The following PTPRM variants were observed in gnomAD, a reference collection of about 807,000 sequenced individuals.
PTPRM encodes protein tyrosine phosphatase receptor type M.
PTPRM carries 47 observed loss-of-function variants against 186.7 expected under a neutral mutation model. That is an observed-to-expected ratio of 0.25 (90% CI 0.20 to 0.32). The LOEUF is 0.32. Among genes scored for constraint, PTPRM ranks in the 10% least tolerant of loss-of-function variants. PTPRM has a pLI of 1.00. For missense variants in PTPRM, 1,494 were observed against 1,865.0 expected (o/e 0.80, Z 3.66); for synonymous variants, 668 against 674.9 (o/e 0.99, Z 0.16).
At chr18:8,240,573 A>G (rs1047619130) in intron 14 of PTPRM, among the ~76,000 whole-genome samples, 14 of 136,968 alleles carry the variant, frequency 1.0e-4, no homozygotes, top group African/African-American at 3.1e-4. Context: ...AAAGAAAGAA[A>G]TTGAAAGTTT....
At chr18:7,647,964 G>A (rs12604168) in intron 1 of PTPRM, among the ~76,000 whole-genome samples, 39 of 152,242 alleles carry the variant, frequency 2.6e-4, no homozygotes, top group South Asian at 1.5e-3. Context: ...GCTTTATTGC[G>A]TTTCATAGAT....
chr18:7,767,084 A>G (rs2042048778), intron 1 of PTPRM, among the ~76,000 whole-genome samples: 1 of 152,218 alleles, frequency 6.6e-6, no homozygotes, highest in South Asian at 2.1e-4. Context: ...GTAGCTGTTG[A>G]TACCAGAGAA....
Position 8,379,224 on chromosome 18 carries a change from C to T in PTPRM, c.3670C>T (p.Pro1224Ser). ...RVEDCSIALL[P>S]RNHEKNRCMD... is the part of the protein sequence containing the mutation. ...AGAGGACTGCAGCATCGCACTGTTGCCCCGGAACCATGAGAAAAACCGGTG... is the reference window on the plus strand; with the variant it reads ...AGAGGACTGCAGCATCGCACTGTTGTCCCGGAACCATGAGAAAAACCGGTG... The change falls in exon 28 of 33, where the codon CCC (proline) becomes TCC (serine). Residue 1224 changes from proline (P) to serine (S), a missense_variant. Physicochemically the swap from Pro to Ser is moderately conservative, Grantham distance 74. Around this residue, in one of 3 missense-constraint regions of PTPRM, gnomAD observed 1,107 missense variants for 1,350.2 expected, o/e 0.82. Transcript: ENST00000580170. 6.2e-7 allele frequency: 1 copy of T among 1,614,008 alleles called. No individual in the cohort carries two copies. The highest frequency in any genetic ancestry group is 1.6e-4 in the Middle Eastern group (1 of 6,062).
At chr18:8,035,127 G>T (rs942984033) in intron 7 of PTPRM, among the ~76,000 whole-genome samples, 1 of 152,078 alleles carries the variant, frequency 6.6e-6, no homozygotes, top group African/African-American at 2.4e-5. Context: ...CTGGATAGCC[G>T]AGAATCTTCC....
intron 1 of PTPRM, among the ~76,000 whole-genome samples, chr18:7,676,627 C>CTGTGTGTGTGTG (rs751900694): frequency 2.1e-5 from 3 of 141,410 alleles, no homozygotes; most frequent in Admixed American, 2.1e-4. Flanking sequence ...GAGATTCTAG[C>CTGTGTGTGTGTG]TGTGTGTGTG....
At chr18:7,890,269 G>A (rs1599316007) in intron 3 of PTPRM, among the ~76,000 whole-genome samples, 1 of 152,136 alleles carries the variant, frequency 6.6e-6, no homozygotes, top group Non-Finnish European at 1.5e-5. Context: ...TTTAATTGAG[G>A]TGCTTGGCTA....
At chr18:7,785,239 T>C (rs570837312) in intron 2 of PTPRM, among the ~76,000 whole-genome samples, 4 of 152,252 alleles carry the variant, frequency 2.6e-5, no homozygotes, top group African/African-American at 9.6e-5. Flanking sequence ...AATATTTAAC[T>C]GAGTATGTGT....
At chr18:7,747,365 AG>A (rs1167882828) in intron 1 of PTPRM, among the ~76,000 whole-genome samples, 6 of 152,262 alleles carry the variant, frequency 3.9e-5, no homozygotes, top group African/African-American at 1.2e-4. Flanking sequence ...AGCCTCCATG[AG>A]CTCCTGTTTC....
At position 8,277,425 on chromosome 18, in the gene PTPRM, T is replaced by G. The variant is rs79916772; in HGVS notation, c.2755-18943T>G. Among the ~76,000 whole-genome samples the G allele has an allele frequency of 4.3e-3, 653 of 152,280 alleles. 6 individuals are homozygous for G. The highest frequency in any genetic ancestry group is 0.021 in the South Asian group (100 of 4,822). ...AGACTTGAGCACAAATTTGCTTGAG[T>G]TAGCACTGGAGAGGCACTGCAGGAG... On this transcript the variant is annotated intron_variant, in intron 19 of 32. Transcript: ENST00000580170.
chr18:8,028,273 A>G (rs1364255100), intron 7 of PTPRM, among the ~76,000 whole-genome samples: 1 of 152,222 alleles, frequency 6.6e-6, no homozygotes, highest in African/African-American at 2.4e-5. Flanking sequence ...AAGTGCTGGG[A>G]ATACAGGTGT....
intron 2 of PTPRM, among the ~76,000 whole-genome samples, chr18:7,823,030 A>G (rs897725366): frequency 5.3e-5 from 8 of 152,082 alleles, no homozygotes; most frequent in Admixed American, 2.0e-4. Context: ...AAATGTGTCT[A>G]GACATTGCCA....
At chr18:7,914,700 ATT>A (rs2050454270) in intron 4 of PTPRM, among the ~76,000 whole-genome samples, 1 of 152,148 alleles carries the variant, frequency 6.6e-6, no homozygotes, top group South Asian at 2.1e-4. Context: ...AGCTAAAATG[ATT>A]GATATGCTAG....
intron 14 of PTPRM, among the ~76,000 whole-genome samples, chr18:8,176,838 C>T (rs1257716008): frequency 6.6e-6 from 1 of 152,228 alleles, no homozygotes; most frequent in Non-Finnish European, 1.5e-5. Context: ...TCTGTCAGGA[C>T]TCCAGTCTCA....
chr18:8,359,741 C>T (rs986739707), intron 23 of PTPRM, among the ~76,000 whole-genome samples: 11 of 152,238 alleles, frequency 7.2e-5, no homozygotes, highest in African/African-American at 2.7e-4. Flanking sequence ...TTCCTACCTG[C>T]TCGGGTGTGC....
Position 8,156,642 on chromosome 18 carries a change from C to G in PTPRM, c.2300+12863C>G, listed in dbSNP as rs79086177. ...TCTGACTTTTAACTGCCCTGCTACC[C>G]TGGCTCAGGCAAGTAAAACTCAAAC... is the stretch of plus-strand genomic sequence containing the variant. On this transcript the variant is annotated intron_variant, in intron 14 of 32. Transcript: ENST00000580170. Among the ~76,000 whole-genome samples the G allele has an allele frequency of 1.7e-3, 256 of 152,276 alleles. 4 individuals carry two copies. In the East Asian group the frequency reaches 0.021, roughly 13 times the overall value.
At chr18:7,578,916 A>G (rs1272484590) in intron 1 of PTPRM, among the ~76,000 whole-genome samples, 3 of 152,264 alleles carry the variant, frequency 2.0e-5, no homozygotes, top group Admixed American at 2.0e-4. Context: ...CATGCAGATT[A>G]CAGATTTAAG....
chr18:8,001,453 C>G (rs140140444), intron 7 of PTPRM, among the ~76,000 whole-genome samples: 3 of 151,836 alleles, frequency 2.0e-5, no homozygotes, highest in African/African-American at 7.3e-5. Flanking sequence ...GTATCTGGCT[C>G]GAAAGGTGGA....
chr18:8,052,262 CAACAA>C (rs1317532990), intron 7 of PTPRM, among the ~76,000 whole-genome samples: 2 of 152,096 alleles, frequency 1.3e-5, no homozygotes, highest in East Asian at 3.9e-4. Context: ...ATCACAGGCC[CAACAA>C]ATCTAAGTCT....
At chr18:7,682,290 T>C (rs1322776323) in intron 1 of PTPRM, among the ~76,000 whole-genome samples, 4 of 152,310 alleles carry the variant, frequency 2.6e-5, no homozygotes, top group African/African-American at 9.6e-5. Flanking sequence ...TTCAAGGGAA[T>C]GTCTAAGAAG....
Sources: gnomAD v4.1 joint callset for allele counts (sites outside exome capture counted in the v4.1 genomes callset) on GRCh38, gnomAD v4.1.1 for gene constraint, gnomAD v4.1.1 regional missense constraint, MANE v1.5 for transcripts, NCBI Gene and HGNC (gene_info 2026-07-23, HGNC 2026-07-21) for gene names.